Variants in SLC25A27 observed in about 807,000 individuals in gnomAD.
SLC25A27 encodes the protein mitochondrial uncoupling protein 4.
Under a neutral mutation model 49.1 loss-of-function variants are expected in SLC25A27, and 35 were observed. The ratio of observed to expected loss-of-function variants is 0.71; its 90% confidence interval spans 0.54 to 0.95. The LOEUF is 0.95. Among genes scored for constraint, SLC25A27 ranks in the 40% least tolerant of loss-of-function variants. The pLI, the probability that SLC25A27 is intolerant of heterozygous loss-of-function variation, is 0.00. For missense variants in SLC25A27, 339 were observed against 397.1 expected (o/e 0.85, Z 1.24); for synonymous variants, 144 against 136.9 (o/e 1.05, Z -0.36).
At chr6:46,670,254 G>A in intron 7 of SLC25A27, 27 bp downstream of exon 7, 1 of 1,398,374 alleles carries the variant, frequency 7.2e-7, no homozygotes, top group Non-Finnish European at 1.0e-6. Context: ...CAGTATCCAT[G>A]TGCTTGAATA....
Position 46,653,048 on chromosome 6 carries a change from A to G in SLC25A27, c.-145A>G, listed in dbSNP as rs1305252271. On this transcript the variant is annotated 5_prime_UTR_variant, in exon 1 of 9. Coordinates refer to ENST00000371347, the MANE Select transcript of SLC25A27 (RefSeq NM_004277.5). ...GGACTGCTAGGAAGGTTGCGGGTCC[A>G]CCCGGCCGAGCCGAACGAGGGAAAT... 1 of 749,492 alleles carries G rather than the reference A, an allele frequency of 1.3e-6. No individual in the cohort carries two copies. The allele number at this position is 749,492 out of a possible 1,614,324, so 46.4% of individuals were successfully genotyped here. A position where few individuals can be genotyped will look rare whatever the true frequency, so the allele number is the denominator to read the frequency against.
Position 46,676,719 on chromosome 6 carries a change from G to T in SLC25A27, c.*265G>T. Reference sequence around the variant, plus strand: ...ATTTTCTAAAGAAGAATCGAAGCCTGACCACTTTCACCTTGGGCAAGAAGG... The same window carrying T: ...ATTTTCTAAAGAAGAATCGAAGCCTTACCACTTTCACCTTGGGCAAGAAGG... On this transcript the variant is annotated 3_prime_UTR_variant, in exon 9 of 9. Transcript: ENST00000371347. The T allele has an allele frequency of 1.9e-6, 3 of 1,542,270 alleles. No homozygotes were observed. The highest frequency in any genetic ancestry group is 1.2e-5 in the South Asian group (1 of 83,850).
intron 8 of SLC25A27, among the ~76,000 whole-genome samples, chr6:46,674,993 A>T (rs559551674): frequency 6.6e-6 from 1 of 152,328 alleles, no homozygotes; most frequent in East Asian, 1.9e-4. Context: ...TGCAATGCTC[A>T]TAGCTGTATC....
At chr6:46,655,087 C>T (rs942814762) in intron 1 of SLC25A27, among the ~76,000 whole-genome samples, 4 of 152,094 alleles carry the variant, frequency 2.6e-5, no homozygotes, top group Non-Finnish European at 5.9e-5. Context: ...AAAATTTTTC[C>T]AAAATACAGT....
intron 2 of SLC25A27, 53 bp from the exon 3 acceptor site, chr6:46,658,909 G>A (rs1763074050): frequency 2.6e-6 from 3 of 1,150,008 alleles, no homozygotes; most frequent in Non-Finnish European, 4.0e-6. Context: ...ACATACATAA[G>A]CATATAGATA....
intron 5 of SLC25A27, among the ~76,000 whole-genome samples, chr6:46,667,792 G>A (rs1330931944): frequency 6.6e-6 from 1 of 151,854 alleles, no homozygotes; most frequent in Non-Finnish European, 1.5e-5. Context: ...TTGTCTTCAG[G>A]GCATTTACTT....
chr6:46,665,701 A>G (rs1763304447), intron 5 of SLC25A27, among the ~76,000 whole-genome samples: 1 of 152,010 alleles, frequency 6.6e-6, no homozygotes, highest in African/African-American at 2.4e-5. Context: ...AAAAAAAAAG[A>G]AGTTTTTCCC....
intron 8 of SLC25A27, among the ~76,000 whole-genome samples, chr6:46,671,551 T>C (rs1451955374): frequency 6.6e-6 from 1 of 152,026 alleles, no homozygotes; most frequent in Non-Finnish European, 1.5e-5. Flanking sequence ...TATTTTAGAA[T>C]ATATATACAG....
Position 46,655,966 on chromosome 6 carries a change from G to A in SLC25A27, c.230G>A (p.Gly77Glu), listed in dbSNP as rs372535065. The A allele has an allele frequency of 2.3e-5, 37 of 1,613,406 alleles. No homozygotes were observed. The African/African-American group carries it at 4.0e-4, about 17-fold the overall frequency. ...AGGGGAATGGTGCGCACAGCTCTAG[G>A]GATCATTGAAGAGGAAGGCTTTCTA... ...PYRGMVRTALGIIEEEGFLKL... is the reference protein window; with the variant it reads ...PYRGMVRTALEIIEEEGFLKL... Residue 77 changes from glycine (G) to glutamate (E), a missense_variant, in exon 2 of 9, where the codon GGG becomes GAG. Transcript: ENST00000371347.
At chr6:46,666,233 G>A (rs570489609) in intron 5 of SLC25A27, among the ~76,000 whole-genome samples, 1 of 152,156 alleles carries the variant, frequency 6.6e-6, no homozygotes, top group South Asian at 2.1e-4. Context: ...ATGCCCTTTT[G>A]TGTGTTTCTA....
chr6:46,666,261 G>A (rs1355834362), intron 5 of SLC25A27, among the ~76,000 whole-genome samples: 2 of 152,194 alleles, frequency 1.3e-5, no homozygotes, highest in South Asian at 2.1e-4. Context: ...TATTGCTTGT[G>A]TCTCTTTTCC....
intron 5 of SLC25A27, among the ~76,000 whole-genome samples, chr6:46,668,203 A>G (rs1763385672): frequency 6.6e-6 from 1 of 152,150 alleles, no homozygotes; most frequent in African/African-American, 2.4e-5. Flanking sequence ...AAAATTAGCC[A>G]GATGCACACC....
chr6:46,658,630 A>C, intron 2 of SLC25A27: 1 of 386,530 alleles, frequency 2.6e-6, no homozygotes, highest in Non-Finnish European at 4.9e-6. Context: ...GTTAATTTCT[A>C]ATCAATATGA....
At position 46,652,987 on chromosome 6, in the gene SLC25A27, T is replaced by C; in HGVS notation, c.-206T>C. ...CCTGGGCTCCGCTGTGTTTTTCTAT[T>C]CTGGGGTGTAAGGGGCAGCTGGACC... On this transcript the variant is annotated 5_prime_UTR_variant, in exon 1 of 9. Transcript: ENST00000371347. 1 of 593,780 alleles carries C rather than the reference T, an allele frequency of 1.7e-6. No individual in the cohort carries two copies. Among genetic ancestry groups the C allele is most frequent in the Non-Finnish European group, 3.0e-6 (1 of 335,176 alleles). 36.8% of individuals were successfully genotyped at this position (593,780 alleles called of 1,614,324 possible).
intron 5 of SLC25A27, among the ~76,000 whole-genome samples, chr6:46,668,187 T>C (rs1763384616): frequency 6.6e-6 from 1 of 151,964 alleles, no homozygotes; most frequent in Admixed American, 6.6e-5. Flanking sequence ...TCTACAAAAA[T>C]ATTGAAAAAT....
intron 8 of SLC25A27, among the ~76,000 whole-genome samples, chr6:46,674,737 G>A (rs1489917897): frequency 6.6e-6 from 1 of 152,152 alleles, no homozygotes; most frequent in Admixed American, 6.6e-5. Context: ...AAGTCCTCTG[G>A]CCAATGTGTT....
intron 4 of SLC25A27, among the ~76,000 whole-genome samples, chr6:46,664,202 T>C (rs1422627880): frequency 1.3e-5 from 2 of 152,236 alleles, no homozygotes; most frequent in South Asian, 2.1e-4. Context: ...TTGTTTATGC[T>C]TCTTCAGCAC....
chr6:46,671,394 CAG>C (rs1282987327), intron 8 of SLC25A27, among the ~76,000 whole-genome samples, 166 bp downstream of exon 8: 4 of 152,006 alleles, frequency 2.6e-5, no homozygotes, highest in African/African-American at 9.7e-5. Context: ...CACTTCTCCT[CAG>C]AGTTATCTTG....
intron 2 of SLC25A27, among the ~76,000 whole-genome samples, chr6:46,657,233 T>C (rs1479211372): frequency 6.6e-6 from 1 of 152,028 alleles, no homozygotes; most frequent in Non-Finnish European, 1.5e-5. Flanking sequence ...GAGGCACAGG[T>C]GGGTGGATCA....
Sources: gnomAD v4.1 joint callset for allele counts (sites outside exome capture counted in the v4.1 genomes callset) on GRCh38, gnomAD v4.1.1 for gene constraint, MANE v1.5 for transcripts, NCBI Gene and HGNC (gene_info 2026-07-23, HGNC 2026-07-21) for gene names.